DOCK10: variants seen among roughly 807,000 people sequenced by gnomAD.
DOCK10 encodes dedicator of cytokinesis 10.
In DOCK10, 145 loss-of-function variants were observed where a neutral mutation model predicts 280.1. The ratio of observed to expected loss-of-function variants is 0.52; its 90% CI spans 0.45 to 0.59. DOCK10 has a LOEUF of 0.59. Ranked by LOEUF, DOCK10 falls within the 20% of genes least tolerant of loss-of-function variation. The probability of loss-of-function intolerance (pLI) is 0.00; values close to 1 mark genes in which losing one functional copy is unlikely to be tolerated. For synonymous variants in DOCK10, 915 were observed against 942.2 expected (o/e 0.97, Z 0.53); for missense variants, 2,368 against 2,651.7 (o/e 0.89, Z 2.35).
chr2:224,773,882 T>C (rs148939948), intron 52 of DOCK10, among the ~76,000 whole-genome samples: 2,826 of 152,258 alleles, frequency 0.019, 81 homozygotes, highest in African/African-American at 0.06. Context: ...CGCCCGCCTC[T>C]GCCTCCCATG....
intron 1 of DOCK10, among the ~76,000 whole-genome samples, chr2:225,034,902 T>C (rs1364125114): frequency 6.6e-6 from 1 of 152,092 alleles, no homozygotes; most frequent in Non-Finnish European, 1.5e-5. Context: ...CTGAAACACA[T>C]CTTTAGGGTA....
intron 1 of DOCK10, among the ~76,000 whole-genome samples, chr2:224,933,910 A>G (rs1287735961): frequency 6.6e-6 from 1 of 152,182 alleles, no homozygotes; most frequent in Non-Finnish European, 1.5e-5. Context: ...ATCCAGCATT[A>G]TTTAAGGAGT....
chr2:224,953,146 G>T (rs952476863), intron 1 of DOCK10, among the ~76,000 whole-genome samples: 4 of 152,202 alleles, frequency 2.6e-5, no homozygotes, highest in Non-Finnish European at 4.4e-5. Flanking sequence ...TGAGCAATTG[G>T]TAAGGCACCT....
chr2:224,896,166 T>C, intron 4 of DOCK10, 129 bp downstream of exon 4: 1 of 525,952 alleles, frequency 1.9e-6, no homozygotes, highest in South Asian at 3.5e-5. Context: ...GACTCTTACT[T>C]ATACATTTTG....
At chr2:224,997,611 C>T (rs989496774) in intron 1 of DOCK10, among the ~76,000 whole-genome samples, 2 of 152,086 alleles carry the variant, frequency 1.3e-5, no homozygotes, top group Non-Finnish European at 2.9e-5. Flanking sequence ...CACTGCCATC[C>T]GTGTGCAACC....
intron 3 of DOCK10, among the ~76,000 whole-genome samples, chr2:224,908,400 C>T (rs544583693): frequency 2.4e-5 from 3 of 125,696 alleles, no homozygotes; most frequent in Non-Finnish European, 4.8e-5. Flanking sequence ...GAAGACAGTA[C>T]ATAATCATCA....
At chr2:224,862,474 G>A (rs1471135529) in intron 14 of DOCK10, 190 bp downstream of exon 14, 1 of 559,750 alleles carries the variant, frequency 1.8e-6, no homozygotes, top group Non-Finnish European at 3.2e-6. Context: ...ATTATAAACT[G>A]TATTGCTAAA....
At chr2:224,773,369 G>T (rs778305156) in intron 52 of DOCK10, 22 bp from the exon 53 acceptor site, 31 of 1,589,684 alleles carry the variant, frequency 2.0e-5, no homozygotes, top group Middle Eastern at 1.7e-4. Flanking sequence ...CCATACAAAG[G>T]GATTTCAAGG....
At chr2:224,870,776 C>G (rs1698219796) in intron 11 of DOCK10, among the ~76,000 whole-genome samples, 1 of 143,558 alleles carries the variant, frequency 7.0e-6, no homozygotes, top group South Asian at 2.3e-4. Context: ...ATTGTCTGAA[C>G]TAGACTTCCA....
In DOCK10 at chr2:224,800,218, G is replaced by C. The variant is rs757346725; in HGVS notation, c.4439C>G (p.Ala1480Gly). 6.2e-7 allele frequency: 1 copy of C among 1,611,950 alleles called. No individual in the cohort carries two copies. Among genetic ancestry groups the C allele is most frequent in the African/African-American group, 1.3e-5 (1 of 74,792 alleles). Reference protein sequence around the residue: ...IDIVHHVDTEANIATEVCLTI... With the variant: ...IDIVHHVDTEGNIATEVCLTI... Reference sequence around the variant, plus strand: ...GAGGCAAACCTCCGTAGCTATATTGGCCTCAGTGTCTACATGATGCACGAT... The same window carrying C: ...GAGGCAAACCTCCGTAGCTATATTGCCCTCAGTGTCTACATGATGCACGAT... Residue 1480 changes from alanine (A) to glycine (G), a missense_variant, in exon 41 of 56, where the codon GCC becomes GGC. By Grantham distance (60) the Ala-to-Gly change is moderately conservative. This residue lies in a region of DOCK10 where 1,159 missense variants were observed against 1,400.8 expected (regional missense o/e 0.83). Coordinates refer to ENST00000258390, the MANE Select transcript of DOCK10 (RefSeq NM_014689.3).
chr2:224,912,501 T>G (rs1221935320), intron 3 of DOCK10, among the ~76,000 whole-genome samples: 3 of 152,234 alleles, frequency 2.0e-5, no homozygotes, highest in African/African-American at 7.2e-5. Context: ...ATTACAAAAT[T>G]TATGTGTAAT....
chr2:224,845,509 C>T lies in DOCK10; in HGVS notation c.2359+10G>A. On this transcript the variant is annotated intron_variant, in intron 20 of 55. Transcript: ENST00000258390. ...ATGTGACTCTGCCTCAGATTTCTTC[C>T]TGGCAGTACCTGACGTTTCCAGAGC... 1 of 1,606,496 alleles carries T rather than the reference C, an allele frequency of 6.2e-7. No individual in the cohort carries two copies. Among genetic ancestry groups the T allele is most frequent in the Non-Finnish European group, 8.5e-7 (1 of 1,177,548 alleles).
intron 1 of DOCK10, among the ~76,000 whole-genome samples, chr2:224,947,888 A>C (rs865794229): frequency 6.6e-6 from 1 of 152,310 alleles, no homozygotes; most frequent in South Asian, 2.1e-4. Context: ...CGGCACTCAA[A>C]AGGCTTTCAG....
At chr2:224,772,973 C>T (rs1690555710) in intron 53 of DOCK10, among the ~76,000 whole-genome samples, 184 bp downstream of exon 53, 1 of 152,208 alleles carries the variant, frequency 6.6e-6, no homozygotes, top group Non-Finnish European at 1.5e-5. Flanking sequence ...GGCCTATCTA[C>T]AGGTGTTGAG....
chr2:224,990,647 G>A (rs574353348), intron 1 of DOCK10, among the ~76,000 whole-genome samples: 22 of 152,122 alleles, frequency 1.4e-4, no homozygotes, highest in African/African-American at 2.7e-4. Context: ...TTCTTTTCCC[G>A]GAGACACATA....
rs145007204 is a variant in DOCK10 at position 224,946,999 on chromosome 2, G to A, written c.124-15331C>T. 1,613 of 1,511,318 alleles carry A rather than the reference G, an allele frequency of 1.1e-3. 5 individuals are homozygous for A. Among genetic ancestry groups the A allele is most frequent in the Non-Finnish European group, 7.9e-4 (888 of 1,129,196 alleles). The allele number at this position is 1,511,318 out of a possible 1,614,324, so 93.6% of individuals were successfully genotyped here. On this transcript the variant is annotated intron_variant, in intron 1 of 55. Coordinates refer to ENST00000258390, the MANE Select transcript of DOCK10 (RefSeq NM_014689.3). Reference sequence around the variant, plus strand: ...CAAAATATTTCAAAATATCAATGTCGTTAAACTCTTCTCTTCTGAAGCGTC... The same window carrying A: ...CAAAATATTTCAAAATATCAATGTCATTAAACTCTTCTCTTCTGAAGCGTC...
At position 224,948,306 on chromosome 2, in the gene DOCK10, G is replaced by A. The variant is rs74640386; in HGVS notation, c.124-16638C>T. On this transcript the variant is annotated intron_variant, in intron 1 of 55. Coordinates refer to ENST00000258390, the MANE Select transcript of DOCK10 (RefSeq NM_014689.3). ...TTGAAACCAATCAGAAAAATAGCATGATGCTATAAAATGACAGCTGGGGAG... is the reference window on the plus strand; with the variant it reads ...TTGAAACCAATCAGAAAAATAGCATAATGCTATAAAATGACAGCTGGGGAG... Among the ~76,000 whole-genome samples, 938 of 152,270 alleles carry A rather than the reference G, an allele frequency of 6.2e-3. 12 individuals carry two copies. Among genetic ancestry groups the A allele is most frequent in the African/African-American group, 0.02 (830 of 41,552 alleles).
chr2:224,831,927 C>G (rs913101883), intron 26 of DOCK10, among the ~76,000 whole-genome samples: 1 of 152,138 alleles, frequency 6.6e-6, no homozygotes. Flanking sequence ...GAGGTAGGGG[C>G]TCCTGGTGGG....
intron 1 of DOCK10, among the ~76,000 whole-genome samples, chr2:224,999,268 G>C (rs573218364): frequency 1.3e-5 from 2 of 149,592 alleles, no homozygotes; most frequent in Non-Finnish European, 3.0e-5. Flanking sequence ...TTTTCAATAA[G>C]GGTCTCGCTA....
Sources: gnomAD v4.1 joint callset for allele counts (sites outside exome capture counted in the v4.1 genomes callset) on GRCh38, gnomAD v4.1.1 for gene constraint, gnomAD v4.1.1 regional missense constraint, MANE v1.5 for transcripts, NCBI Gene and HGNC (gene_info 2026-07-23, HGNC 2026-07-21) for gene names.